The following CHD2 variants were observed in gnomAD, a reference collection of about 807,000 sequenced individuals.
CHD2 encodes the protein ATP-dependent chromatin remodeler CHD2.
CHD2 carries 28 observed loss-of-function variants against 243.9 expected under a neutral mutation model. That is an observed-to-expected ratio of 0.11 (90% CI 0.09 to 0.16). The LOEUF (loss-of-function observed/expected upper bound fraction) is 0.16, where lower values mean the gene tolerates loss of function less well. Among genes scored for constraint, CHD2 ranks in the 10% least tolerant of loss-of-function variants. CHD2 has a pLI of 1.00. For synonymous variants in CHD2, 775 were observed against 779.0 expected (o/e 0.99, Z 0.09); for missense variants, 1,386 against 2,209.8 (o/e 0.63, Z 7.47).
In CHD2 at chr15:93,027,150, G is replaced by T. The variant is rs1423148692; in HGVS notation, c.*2445G>T. On this transcript the variant is annotated 3_prime_UTR_variant, in exon 39 of 39. Coordinates refer to ENST00000394196, the MANE Select transcript of CHD2 (RefSeq NM_001271.4). ...GTTTGAAGAGTGTGCTGGGAAAAAG[G>T]AAGCATTTCTTCATTGATTTAAATC... 1 of 152,562 alleles carries T rather than the reference G, an allele frequency of 6.6e-6. No individual in the cohort carries two copies. The highest frequency in any genetic ancestry group is 1.5e-5 in the Non-Finnish European group (1 of 68,030). 9.5% of individuals were successfully genotyped at this position (152,562 alleles called of 1,614,324 possible).
chr15:92,971,318 C>G (rs1372885765), intron 17 of CHD2, among the ~76,000 whole-genome samples: 1 of 152,182 alleles, frequency 6.6e-6, no homozygotes, highest in Non-Finnish European at 1.5e-5. Flanking sequence ...CATACTGGCA[C>G]TCAGAAAGTT....
chr15:93,016,455 TAAC>T (rs1274079232), intron 37 of CHD2, among the ~76,000 whole-genome samples: 2 of 152,202 alleles, frequency 1.3e-5, no homozygotes, highest in African/African-American at 4.8e-5. Flanking sequence ...CTGTAGTTAA[TAAC>T]AATGTATTAT....
chr15:92,945,963 A>G lies in CHD2; in HGVS notation c.1199-75A>G. On this transcript the variant is annotated intron_variant, in intron 11 of 38. Coordinates refer to ENST00000394196, the MANE Select transcript of CHD2 (RefSeq NM_001271.4). ...TTTGCCACATGATGTTTTATTGATTATGCATAAAACAGAATGTCATTTTTC... is the reference window on the plus strand; with the variant it reads ...TTTGCCACATGATGTTTTATTGATTGTGCATAAAACAGAATGTCATTTTTC... 2.0e-6 allele frequency: 3 copies of G among 1,479,848 alleles called. No homozygotes were observed. The South Asian group carries it at 3.8e-5, about 19-fold the overall frequency. 91.7% of individuals were successfully genotyped at this position (1,479,848 alleles called of 1,614,324 possible).
At position 92,941,062 on chromosome 15, in the gene CHD2, C is replaced by T. The variant is rs1024495804; in HGVS notation, c.693-760C>T. On this transcript the variant is annotated intron_variant, in intron 7 of 38. Coordinates refer to ENST00000394196, the MANE Select transcript of CHD2 (RefSeq NM_001271.4). ...TGTTGCCCAGGCTAGAGTGCAGTGG[C>T]GCGATCTTGGATCACTGCAACCTCT... is the stretch of plus-strand genomic sequence containing the variant. 2.5e-4 allele frequency among the ~76,000 whole-genome samples: 37 copies of T among 146,612 alleles called. 1 individual carries two copies. The highest frequency in any genetic ancestry group is 3.5e-3 in the Middle Eastern group (1 of 282).
chr15:92,919,469 T>G (rs1331974818), intron 2 of CHD2, among the ~76,000 whole-genome samples: 2 of 152,130 alleles, frequency 1.3e-5, no homozygotes, highest in African/African-American at 4.8e-5. Flanking sequence ...TGCGGCTCAC[T>G]GCAACCTCTG....
chr15:92,918,510 G>C (rs1435379299), intron 2 of CHD2, among the ~76,000 whole-genome samples: 1 of 152,028 alleles, frequency 6.6e-6, no homozygotes, highest in Non-Finnish European at 1.5e-5. Flanking sequence ...ATGTTTAATT[G>C]CCCTGTAACT....
chr15:92,978,182 A>C (rs1253476454), intron 20 of CHD2, 52 bp from the exon 21 acceptor site: 1 of 1,610,440 alleles, frequency 6.2e-7, no homozygotes, highest in Non-Finnish European at 8.5e-7. Context: ...TGGACTGTGA[A>C]ACTGTTTCTG....
At chr15:92,967,596 TTG>T (rs1351038333) in intron 17 of CHD2, 83 bp downstream of exon 17, 11 of 970,542 alleles carry the variant, frequency 1.1e-5, no homozygotes, top group South Asian at 6.2e-5. Context: ...ATATATACTT[TTG>T]TTTTTTTTTT....
In CHD2 at chr15:92,955,458, A is replaced by G. The variant is rs1191458207; in HGVS notation, c.1755A>G (p.Lys585=). Residue 585 remains lysine (K), a synonymous_variant, in exon 15 of 39, where the codon AAA becomes AAG. Coordinates refer to ENST00000394196, the MANE Select transcript of CHD2 (RefSeq NM_001271.4). ...REYEWIHSQT[K]RLKFNALITT... is the part of the protein sequence containing the mutation. ...ATGAATGGATTCATTCCCAAACCAA[A>G]AGATTGAAGTTCAACGCACTTATAA... The G allele has an allele frequency of 1.3e-6, 2 of 1,598,250 alleles. No homozygotes were observed. The highest frequency in any genetic ancestry group is 2.7e-5 in the African/African-American group (2 of 73,862).
In CHD2 at chr15:92,955,449, C is replaced by A; in HGVS notation, c.1746C>A (p.Ser582=). 6.3e-7 allele frequency: 1 copy of A among 1,590,764 alleles called. No homozygotes were observed. Among genetic ancestry groups the A allele is most frequent in the South Asian group, 1.2e-5 (1 of 86,812 alleles). Residue 582 remains serine, a synonymous_variant, in exon 15 of 39, where the codon TCC becomes TCA. Coordinates refer to ENST00000394196, the MANE Select transcript of CHD2 (RefSeq NM_001271.4). ...NTIREYEWIH[S]QTKRLKFNAL... ...TACGGGAATATGAATGGATTCATTC[C>A]CAAACCAAAAGATTGAAGTTCAACG...
intron 38 of CHD2, chr15:93,022,293 A>G (rs954260876): frequency 2.0e-5 from 3 of 152,236 alleles, no homozygotes; most frequent in African/African-American, 7.2e-5. Flanking sequence ...AGGGAGCAAG[A>G]GAGAGAGGAG....
intron 6 of CHD2, among the ~76,000 whole-genome samples, chr15:92,938,846 G>C (rs2053310432): frequency 6.6e-6 from 1 of 152,108 alleles, no homozygotes; most frequent in Non-Finnish European, 1.5e-5. Context: ...CCATCTCCCT[G>C]GTCTGTCCAA....
intron 2 of CHD2, among the ~76,000 whole-genome samples, chr15:92,917,609 C>T (rs1187889366): frequency 6.6e-6 from 1 of 152,180 alleles, no homozygotes; most frequent in African/African-American, 2.4e-5. Context: ...AGTCAGTCTT[C>T]TTTGCTTTTC....
At chr15:93,018,171 T>C (rs374214508) in intron 37 of CHD2, among the ~76,000 whole-genome samples, 2 of 152,254 alleles carry the variant, frequency 1.3e-5, no homozygotes, top group Non-Finnish European at 2.9e-5. Flanking sequence ...CCATTTGATA[T>C]GAAGCCATCC....
At position 92,998,274 on chromosome 15, in the gene CHD2, G is replaced by T; in HGVS notation, c.3886-225G>T. On this transcript the variant is annotated intron_variant, in intron 30 of 38. Transcript: ENST00000394196. The surrounding 1 kb of genome is among the most constrained non-coding windows in gnomAD (Gnocchi z 5.1). ...GTTAACAGCACAGGTAGGAGCCATT[G>T]GGAGAGCTGGATTTCTCCATCCCAT... The T allele has an allele frequency of 3.9e-6, 5 of 1,287,576 alleles. No individual in the cohort carries two copies. Among genetic ancestry groups the T allele is most frequent in the South Asian group, 1.9e-5 (1 of 53,822 alleles). The allele number at this position is 1,287,576 out of a possible 1,614,324, so 79.8% of individuals were successfully genotyped here.
chr15:92,992,833 G>A, intron 27 of CHD2, 26 bp from the exon 28 acceptor site: 2 of 1,609,746 alleles, frequency 1.2e-6, no homozygotes, highest in Non-Finnish European at 1.7e-6. Flanking sequence ...GGGTCCTAAA[G>A]TGTCCCCATA....
chr15:92,950,236 G>C (rs2053535220), intron 13 of CHD2, among the ~76,000 whole-genome samples: 1 of 152,138 alleles, frequency 6.6e-6, no homozygotes. Flanking sequence ...AGAGTTATTA[G>C]CAAAAAGCAA....
intron 26 of CHD2, among the ~76,000 whole-genome samples, chr15:92,991,058 G>A (rs1447698146): frequency 2.6e-5 from 4 of 152,164 alleles, no homozygotes; most frequent in Non-Finnish European, 5.9e-5. Context: ...GAAAAATATG[G>A]TATTGAAGGT....
chr15:92,926,160 A>G (rs763684108), intron 3 of CHD2, among the ~76,000 whole-genome samples: 19 of 152,230 alleles, frequency 1.2e-4, no homozygotes, highest in South Asian at 1.2e-3. Context: ...TGTTGTAGAG[A>G]CAGGATCTCC....
Sources: gnomAD v4.1 joint callset for allele counts (sites outside exome capture counted in the v4.1 genomes callset) on GRCh38, gnomAD v4.1.1 for gene constraint, Gnocchi (gnomAD v3.1) non-coding constraint, MANE v1.5 for transcripts, NCBI Gene and HGNC (gene_info 2026-07-23, HGNC 2026-07-21) for gene names.